Variants in SMARCC1 observed in about 807,000 individuals in gnomAD.
SMARCC1 encodes SWI/SNF complex subunit SMARCC1.
Under a neutral mutation model 147.4 loss-of-function variants are expected in SMARCC1, and 43 were observed. The ratio of observed to expected loss-of-function variants is 0.29; its 90% CI spans 0.23 to 0.38. The LOEUF (loss-of-function observed/expected upper bound fraction) is 0.38, where lower values mean the gene tolerates loss of function less well. Among genes scored for constraint, SMARCC1 ranks in the 10% least tolerant of loss-of-function variants. SMARCC1 has a pLI of 1.00. For missense variants in SMARCC1, 1,119 were observed against 1,381.1 expected (o/e 0.81, Z 3.01); for synonymous variants, 495 against 484.4 (o/e 1.02, Z -0.29).
At chr3:47,597,150 CA>C (rs34360182) in intron 26 of SMARCC1, among the ~76,000 whole-genome samples, 2,238 of 70,502 alleles carry the variant, frequency 0.032, 47 homozygotes, top group African/African-American at 0.1. Flanking sequence ...GACTCAGTCT[CA>C]AAAAAAAAAA....
intron 3 of SMARCC1, 30 bp downstream of exon 3, chr3:47,745,878 C>A: frequency 1.5e-6 from 2 of 1,348,694 alleles, no homozygotes; most frequent in South Asian, 1.4e-5. Context: ...AACTTAAGAT[C>A]AAAACATGCA....
intron 2 of SMARCC1, among the ~76,000 whole-genome samples, chr3:47,752,367 T>C (rs2034638723): frequency 6.6e-6 from 1 of 152,190 alleles, no homozygotes; most frequent in African/African-American, 2.4e-5. Flanking sequence ...AGCCCCATCC[T>C]ATAAACCCCC....
intron 18 of SMARCC1, among the ~76,000 whole-genome samples, chr3:47,671,187 A>AC (rs1203107094): frequency 2.7e-5 from 4 of 146,440 alleles, no homozygotes; most frequent in Non-Finnish European, 6.0e-5. Context: ...AAAAAAAAAA[A>AC]AAAAAAAAAA....
intron 3 of SMARCC1, among the ~76,000 whole-genome samples, chr3:47,739,131 T>A (rs1372257082): frequency 6.6e-6 from 1 of 152,132 alleles, no homozygotes; most frequent in Admixed American, 6.6e-5. Context: ...AGGACAGGAG[T>A]AGAGCTTAGT....
intron 25 of SMARCC1, among the ~76,000 whole-genome samples, chr3:47,619,588 G>C (rs1290565795): frequency 6.6e-6 from 1 of 152,232 alleles, no homozygotes; most frequent in Non-Finnish European, 1.5e-5. Flanking sequence ...GTAAGGCTGT[G>C]AAGAAGCCTG....
At chr3:47,764,841 TA>T (rs948431863) in intron 2 of SMARCC1, among the ~76,000 whole-genome samples, 34 of 152,344 alleles carry the variant, frequency 2.2e-4, no homozygotes, top group African/African-American at 5.5e-4. Flanking sequence ...AATTATTTCC[TA>T]CATGGCCCCC....
chr3:47,700,017 C>T (rs1031473954), intron 11 of SMARCC1, among the ~76,000 whole-genome samples: 2 of 151,522 alleles, frequency 1.3e-5, no homozygotes, highest in African/African-American at 4.8e-5. Flanking sequence ...TTTTCTTCTA[C>T]TTTTTCATTA....
At chr3:47,680,020 G>A (rs2033623362) in intron 15 of SMARCC1, among the ~76,000 whole-genome samples, 1 of 152,090 alleles carries the variant, frequency 6.6e-6, no homozygotes, top group Admixed American at 6.6e-5. Flanking sequence ...AGGCAACATG[G>A]TGAAACCCCC....
intron 25 of SMARCC1, chr3:47,610,645 T>C (rs886101624): frequency 3.0e-6 from 1 of 337,218 alleles, no homozygotes; most frequent in African/African-American, 2.1e-5. Flanking sequence ...GGCAGGCCTT[T>C]AGATATCTAA....
intron 26 of SMARCC1, among the ~76,000 whole-genome samples, chr3:47,594,660 T>C (rs2032241896): frequency 6.6e-6 from 1 of 152,116 alleles, no homozygotes; most frequent in Non-Finnish European, 1.5e-5. Context: ...AGCTGATCAA[T>C]AAAAATTTGT....
intron 6 of SMARCC1, among the ~76,000 whole-genome samples, chr3:47,725,156 G>C (rs2034283670): frequency 6.7e-6 from 1 of 149,530 alleles, no homozygotes; most frequent in African/African-American, 2.5e-5. Context: ...AATAAAAAAG[G>C]AATACAATAT....
intron 26 of SMARCC1, among the ~76,000 whole-genome samples, chr3:47,593,030 T>G (rs2032211522): frequency 6.6e-6 from 1 of 151,944 alleles, no homozygotes; most frequent in South Asian, 2.1e-4. Context: ...TTTCACTATG[T>G]TGGCCAAGCT....
chr3:47,602,620 T>C (rs1178348403), intron 26 of SMARCC1, among the ~76,000 whole-genome samples: 1 of 152,236 alleles, frequency 6.6e-6, no homozygotes, highest in East Asian at 1.9e-4. Flanking sequence ...AACATTAGAA[T>C]ACCATTGTAT....
intron 19 of SMARCC1, among the ~76,000 whole-genome samples, chr3:47,668,218 T>C (rs1019724048): frequency 1.3e-5 from 2 of 152,178 alleles, no homozygotes; most frequent in African/African-American, 4.8e-5. Context: ...TGTGCTGTTT[T>C]GTTTTTTTAC....
chr3:47,650,969 A>G (rs374009059), intron 21 of SMARCC1, among the ~76,000 whole-genome samples: 1 of 152,186 alleles, frequency 6.6e-6, no homozygotes, highest in African/African-American at 2.4e-5. Flanking sequence ...ACATGGGGGT[A>G]TATTCTCAAT....
intron 11 of SMARCC1, among the ~76,000 whole-genome samples, chr3:47,696,039 C>G (rs1174864079): frequency 7.1e-6 from 1 of 141,784 alleles, no homozygotes; most frequent in African/African-American, 2.7e-5. Context: ...GGCACTCCAG[C>G]CTGGGTGACT....
rs527321540 is a variant in SMARCC1, at chr3:47,661,191, C to G, written c.2320+103G>C. 3.0e-4 allele frequency: 288 copies of G among 955,052 alleles called. 1 individual carries two copies. Among genetic ancestry groups the G allele is most frequent in the Non-Finnish European group, 4.0e-4 (252 of 635,910 alleles). The allele number at this position is 955,052 out of a possible 1,614,324, so 59.2% of individuals were successfully genotyped here. On this transcript the variant is annotated intron_variant, in intron 21 of 27. Coordinates refer to ENST00000254480, the MANE Select transcript of SMARCC1 (RefSeq NM_003074.4). The stretch of plus-strand genomic sequence containing the variant: ...TCTTAAAAGACAAGTTTATACTGAT[C>G]ATTGTACTCACTTTTTAGTGCAAGT...
At chr3:47,638,911 G>A in intron 21 of SMARCC1, 131 bp from the exon 22 acceptor site, 2 of 681,888 alleles carry the variant, frequency 2.9e-6, no homozygotes, top group Non-Finnish European at 5.2e-6. Flanking sequence ...CCATACAGTT[G>A]AAAAAAGAAG....
In SMARCC1 at chr3:47,587,311, T is replaced by TG. The variant is rs11375183; in HGVS notation, c.*897dup. ...GCAGTGAATAGTAGGCTAGACTCAT[T>TG]GGGGGTAATTACCCTAGACTCCTAA... On this transcript the variant is annotated 3_prime_UTR_variant, in exon 28 of 28. Coordinates refer to ENST00000254480, the MANE Select transcript of SMARCC1 (RefSeq NM_003074.4). 149,616 of 152,288 alleles carry TG rather than the reference T, an allele frequency of 0.98. 73,548 individuals carry two copies. Among genetic ancestry groups the TG allele is most frequent in the East Asian group, 1 (5,181 of 5,182 alleles). 9.4% of individuals were successfully genotyped at this position (152,288 alleles called of 1,614,324 possible). A position where few individuals can be genotyped will look rare whatever the true frequency, so the allele number is the denominator to read the frequency against.
Sources: allele counts gnomAD v4.1 joint callset (sites outside exome capture counted in the v4.1 genomes callset), GRCh38; gene constraint gnomAD v4.1.1; transcripts MANE v1.5; gene names NCBI Gene and HGNC (gene_info 2026-07-23, HGNC 2026-07-21).